Variants in ATP10B observed in about 807,000 individuals in gnomAD.
The protein encoded by ATP10B is ATPase phospholipid transporting 10B (putative), also known as phospholipid-transporting ATPase VB.
ATP10B carries 122 observed loss-of-function variants against 141.2 expected under a neutral mutation model. The ratio of observed to expected loss-of-function variants is 0.86; its 90% CI spans 0.75 to 1.00. ATP10B has a LOEUF of 1.00. Among genes scored for constraint, ATP10B ranks in the 50% least tolerant of loss-of-function variants. ATP10B has a pLI of 0.00. For missense variants in ATP10B, 1,876 were observed against 1,825.3 expected (o/e 1.03, Z -0.51); for synonymous variants, 685 against 692.0 (o/e 0.99, Z 0.16).
intron 2 of ATP10B, among the ~76,000 whole-genome samples, chr5:160,717,527 G>A (rs1440322892): frequency 6.6e-6 from 1 of 152,164 alleles, no homozygotes; most frequent in Non-Finnish European, 1.5e-5. Context: ...GTTCCAAAGT[G>A]AAGCAGTTTT....
At chr5:160,698,597 GC>G (rs1764507172) in intron 3 of ATP10B, among the ~76,000 whole-genome samples, 1 of 152,134 alleles carries the variant, frequency 6.6e-6, no homozygotes, top group African/African-American at 2.4e-5. Context: ...TGTAAAGGGA[GC>G]CCAGAACTGA....
chr5:160,793,722 C>T (rs1771752531), intron 1 of ATP10B, among the ~76,000 whole-genome samples: 2 of 152,198 alleles, frequency 1.3e-5, no homozygotes, highest in African/African-American at 4.8e-5. Flanking sequence ...ATTCACTCAC[C>T]ACTCATTCAC....
intron 22 of ATP10B, among the ~76,000 whole-genome samples, chr5:160,592,515 A>G (rs1343934942): frequency 6.6e-6 from 1 of 152,228 alleles, no homozygotes; most frequent in Non-Finnish European, 1.5e-5. Context: ...CTGCATTTCC[A>G]TCTGAGGTAC....
In ATP10B at chr5:160,632,284, A is replaced by T; in HGVS notation, c.1465T>A (p.Trp489Arg). The T allele has an allele frequency of 6.2e-7, 1 of 1,614,138 alleles. No homozygotes were observed. ...CTCATAGTTGCTGGATCCTGGGCCC[A>T]TCTAGCCGAGAAGGACAGGCATTGG... ...QYQCLSFSARWAQDPATMRSQ... is the reference protein window; with the variant it reads ...QYQCLSFSARRAQDPATMRSQ... The change falls in exon 13 of 26, where the codon TGG becomes AGG. Residue 489 changes from tryptophan (W) to arginine (R), a missense_variant. By Grantham distance (101) the Trp-to-Arg change is moderately radical. Transcript: ENST00000327245.
the ATP10B span, among the ~76,000 whole-genome samples, chr5:160,885,510 A>G: frequency 6.6e-6 from 1 of 152,242 alleles, no homozygotes; most frequent in South Asian, 2.1e-4. Context: ...GATCAAATGT[A>G]TTGATTCCTA....
chr5:160,714,935 G>C (rs1427328457), intron 3 of ATP10B, among the ~76,000 whole-genome samples: 2 of 138,842 alleles, frequency 1.4e-5, no homozygotes, highest in Non-Finnish European at 3.1e-5. Flanking sequence ...TCGGGGGTCA[G>C]GGGTCAGGGA....
chr5:160,590,932 T>C, intron 23 of ATP10B, 127 bp downstream of exon 23: 1 of 723,050 alleles, frequency 1.4e-6, no homozygotes, highest in Non-Finnish European at 2.3e-6. Context: ...GGATGTAACC[T>C]GCAGGCTACC....
chr5:160,593,329 A>C (rs1756454285), intron 22 of ATP10B, among the ~76,000 whole-genome samples: 1 of 152,214 alleles, frequency 6.6e-6, no homozygotes, highest in Non-Finnish European at 1.5e-5. Flanking sequence ...GACCTCTAGC[A>C]AACTCCAACA....
At chr5:160,618,763 A>G (rs779195803) in intron 15 of ATP10B, among the ~76,000 whole-genome samples, 5 of 152,166 alleles carry the variant, frequency 3.3e-5, no homozygotes, top group Non-Finnish European at 7.3e-5. Flanking sequence ...GATTGATGCC[A>G]TCAGCACTTC....
At chr5:160,660,268 G>A (rs952527655) in intron 7 of ATP10B, among the ~76,000 whole-genome samples, 8 of 152,128 alleles carry the variant, frequency 5.3e-5, no homozygotes, top group Non-Finnish European at 1.2e-4. Context: ...TGTACTTATT[G>A]TGGTTTCTAT....
chr5:160,797,966 G>T (rs1388513449), intron 1 of ATP10B, among the ~76,000 whole-genome samples: 1 of 149,382 alleles, frequency 6.7e-6, no homozygotes, highest in East Asian at 2.0e-4. Flanking sequence ...AAAAAAAAGA[G>T]AAAAGAAACA....
At chr5:160,760,894 C>T (rs1048894200) in intron 2 of ATP10B, among the ~76,000 whole-genome samples, 1 of 134,020 alleles carries the variant, frequency 7.5e-6, no homozygotes, top group Admixed American at 7.4e-5. Flanking sequence ...GAGCTCAGAC[C>T]CACCTACCCT....
intron 6 of ATP10B, among the ~76,000 whole-genome samples, chr5:160,675,176 G>A (rs1331465590): frequency 3.3e-5 from 5 of 152,160 alleles, no homozygotes; most frequent in Non-Finnish European, 7.3e-5. Context: ...AGCCTGTTTC[G>A]AACAGCTGCC....
Position 160,602,618 on chromosome 5 carries a change from G to T in ATP10B, c.3322C>A (p.Arg1108Ser). 1 of 1,614,032 alleles carries T rather than the reference G, an allele frequency of 6.2e-7. No individual in the cohort carries two copies. Among genetic ancestry groups the T allele is most frequent in the South Asian group, 1.1e-5 (1 of 91,076 alleles). Residue 1108 changes from arginine to serine, a missense_variant, in exon 21 of 26, where the codon CGC (arginine) becomes AGC (serine). By Grantham distance (110) the Arg-to-Ser change is moderately radical. Coordinates refer to ENST00000327245, the MANE Select transcript of ATP10B (RefSeq NM_025153.3). ...LLVHGHWCYS[R>S]LARMVVYYLY... The stretch of plus-strand genomic sequence containing the variant: ...TAGTACACCACCATCCTGGCCAGGC[G>T]CGAGTAACACCAGTGGCCATGCACG...
chr5:160,653,865 T>TG (rs780696519), intron 7 of ATP10B, among the ~76,000 whole-genome samples: 89 of 123,470 alleles, frequency 7.2e-4, no homozygotes, highest in Middle Eastern at 0.023. Flanking sequence ...AAATATATAT[T>TG]AATATACGTA....
rs370868222 is a variant in ATP10B, at chr5:160,620,483, G to A, written c.2280C>T (p.Leu760=). The change falls in exon 15 of 26, where the codon CTC becomes CTT. Residue 760 remains leucine, a synonymous_variant. Coordinates refer to ENST00000327245, the MANE Select transcript of ATP10B (RefSeq NM_025153.3). ...CAGAGTCAAAGCCCAGGGTGCAGAG[G>A]AGGCTGAAGGTGAGGCAGGTGCCCT... The part of the protein sequence containing the change: ...LPQGTCLTFS[L]LCTLGFDSVR... The A allele has an allele frequency of 1.2e-6, 2 of 1,614,116 alleles. No individual in the cohort carries two copies. The highest frequency in any genetic ancestry group is 1.7e-6 in the Non-Finnish European group (2 of 1,180,032).
chr5:160,786,709 G>A (rs1771175702), intron 1 of ATP10B, among the ~76,000 whole-genome samples: 1 of 152,090 alleles, frequency 6.6e-6, no homozygotes, highest in African/African-American at 2.4e-5. Flanking sequence ...GCTACCAAGG[G>A]AGATAATCTA....
At chr5:160,608,232 A>G (rs1272905845) in intron 18 of ATP10B, among the ~76,000 whole-genome samples, 1 of 152,192 alleles carries the variant, frequency 6.6e-6, no homozygotes, top group African/African-American at 2.4e-5. Context: ...TTCCAGCTTC[A>G]TCCATGTCGC....
At chr5:160,806,750 GAC>G (rs1772798478) in intron 1 of ATP10B, among the ~76,000 whole-genome samples, 1 of 152,118 alleles carries the variant, frequency 6.6e-6, no homozygotes, top group Non-Finnish European at 1.5e-5. Context: ...TAATTGAGAG[GAC>G]AGAGTTTGAG....
Sources: allele counts gnomAD v4.1 joint callset (sites outside exome capture counted in the v4.1 genomes callset), GRCh38; gene constraint gnomAD v4.1.1; transcripts MANE v1.5; gene names NCBI Gene and HGNC (gene_info 2026-07-23, HGNC 2026-07-21).